Variants in ZCCHC7 observed in about 807,000 individuals in gnomAD.
ZCCHC7 encodes the protein zinc finger CCHC-type containing 7.
In ZCCHC7, 35 loss-of-function variants were observed where a neutral mutation model predicts 52.0. The observed-to-expected ratio is 0.67, with a 90% confidence interval of 0.51 to 0.89. The LOEUF is 0.89. Among genes scored for constraint, ZCCHC7 ranks in the 40% least tolerant of loss-of-function variants. The probability of loss-of-function intolerance (pLI) is 0.00; values close to 1 mark genes in which losing one functional copy is unlikely to be tolerated. For synonymous variants in ZCCHC7, 217 were observed against 221.5 expected, an observed-to-expected ratio of 0.98 and a Z score of 0.18; for missense variants, 574 against 649.1, an observed-to-expected ratio of 0.88 and a Z score of 1.26.
chr9:37,221,868 A>G (rs1203923086), intron 2 of ZCCHC7, among the ~76,000 whole-genome samples: 1 of 152,204 alleles, frequency 6.6e-6, no homozygotes, highest in Non-Finnish European at 1.5e-5. Context: ...TGAAACCAGT[A>G]GTTATTCATT....
At chr9:37,193,596 TG>T (rs1396249812) in intron 2 of ZCCHC7, among the ~76,000 whole-genome samples, 3 of 152,124 alleles carry the variant, frequency 2.0e-5, no homozygotes, top group African/African-American at 7.2e-5. Flanking sequence ...TTCTACAGCC[TG>T]GAGAAAAATC....
intron 2 of ZCCHC7, among the ~76,000 whole-genome samples, chr9:37,212,220 A>G (rs1393086060): frequency 1.3e-5 from 2 of 151,898 alleles, no homozygotes; most frequent in East Asian, 3.9e-4. Flanking sequence ...AGTTGTTGCT[A>G]AACATCCTGC....
At chr9:37,275,601 T>TTATC (rs1451969349) in intron 2 of ZCCHC7, among the ~76,000 whole-genome samples, 1 of 152,186 alleles carries the variant, frequency 6.6e-6, no homozygotes, top group East Asian at 1.9e-4. Context: ...TATGGTATGT[T>TTATC]TATCTTCCAC....
At chr9:37,277,003 C>T (rs1489872516) in intron 2 of ZCCHC7, among the ~76,000 whole-genome samples, 1 of 152,160 alleles carries the variant, frequency 6.6e-6, no homozygotes, top group African/African-American at 2.4e-5. Flanking sequence ...CTCCTAGGAA[C>T]ATTTAGTGCC....
intron 2 of ZCCHC7, among the ~76,000 whole-genome samples, chr9:37,219,440 T>C (rs938897542): frequency 6.6e-6 from 1 of 152,154 alleles, no homozygotes; most frequent in Non-Finnish European, 1.5e-5. Flanking sequence ...TGAGATGGCT[T>C]AACTTCTGCT....
intron 2 of ZCCHC7, among the ~76,000 whole-genome samples, chr9:37,270,972 T>C (rs1313144371): frequency 6.6e-6 from 1 of 152,120 alleles, no homozygotes; most frequent in Non-Finnish European, 1.5e-5. Flanking sequence ...AAAAAAAGAA[T>C]GTTTGGTTAC....
Position 37,209,952 on chromosome 9 carries a change from C to T in ZCCHC7, c.610+83010C>T, listed in dbSNP as rs892673657. The stretch of plus-strand genomic sequence containing the variant: ...ACCAAGGACAGTTTTTTTTTCTCTT[C>T]ATTTGACCCCATGATATAGGATTAG... On this transcript the variant is annotated intron_variant, in intron 2 of 8. Coordinates refer to ENST00000336755, the MANE Select transcript of ZCCHC7 (RefSeq NM_032226.3). Among the ~76,000 whole-genome samples, 3 of 151,956 alleles carry T rather than the reference C, an allele frequency of 2.0e-5. No individual in the cohort carries two copies. In the East Asian group the frequency reaches 5.8e-4, roughly 29 times the overall value.
rs534600167 is a variant in ZCCHC7, at chr9:37,149,129, A to G, written c.610+22187A>G. Among the ~76,000 whole-genome samples the G allele has an allele frequency of 1.3e-5, 2 of 152,178 alleles. 1 individual carries two copies. The highest frequency in any genetic ancestry group is 4.1e-4 in the South Asian group (2 of 4,832). On this transcript the variant is annotated intron_variant, in intron 2 of 8. Transcript: ENST00000336755. Reference sequence around the variant, plus strand: ...GTAATTGATTACTTCTGTGGTCCCAATGTTAATTTCTGCTTATAGTTTTGT... The same window carrying G: ...GTAATTGATTACTTCTGTGGTCCCAGTGTTAATTTCTGCTTATAGTTTTGT...
At chr9:37,247,140 A>G (rs7341843) in intron 2 of ZCCHC7, among the ~76,000 whole-genome samples, 6,013 of 152,160 alleles carry the variant, frequency 0.04, 372 homozygotes, top group African/African-American at 0.13. Context: ...TGTGAGTTCA[A>G]ATTTTTTAGA....
At chr9:37,224,997 C>T (rs1825022118) in intron 2 of ZCCHC7, among the ~76,000 whole-genome samples, 1 of 152,170 alleles carries the variant, frequency 6.6e-6, no homozygotes, top group African/African-American at 2.4e-5. Flanking sequence ...ACATTTAAGC[C>T]AGACCAATCA....
At chr9:37,341,442 A>T (rs1588696304) in intron 6 of ZCCHC7, among the ~76,000 whole-genome samples, 2 of 152,182 alleles carry the variant, frequency 1.3e-5, no homozygotes, top group South Asian at 4.1e-4. Flanking sequence ...CTACTACTAT[A>T]TGCCTGGCCC....
chr9:37,296,710 T>A (rs1828797890), intron 2 of ZCCHC7, among the ~76,000 whole-genome samples: 1 of 152,174 alleles, frequency 6.6e-6, no homozygotes, highest in Admixed American at 6.5e-5. Flanking sequence ...TTACTTTATT[T>A]ATTTATCGCG....
chr9:37,214,547 C>A (rs1177024135), intron 2 of ZCCHC7, among the ~76,000 whole-genome samples: 2 of 152,012 alleles, frequency 1.3e-5, no homozygotes, highest in African/African-American at 2.4e-5. Context: ...TGTTGTTTCT[C>A]ATCACTATAT....
chr9:37,199,872 TTTTTTGTA>T (rs1823534906), intron 2 of ZCCHC7, among the ~76,000 whole-genome samples: 1 of 151,288 alleles, frequency 6.6e-6, no homozygotes, highest in Admixed American at 6.6e-5. Context: ...GCCCGGCTAA[TTTTTTGTA>T]TTTTTAGTAG....
At position 37,354,954 on chromosome 9, in the gene ZCCHC7, T is replaced by G. The variant is rs1422992691; in HGVS notation, c.1198+130T>G. 8.7e-6 allele frequency: 5 copies of G among 576,954 alleles called. No individual in the cohort carries two copies. The highest frequency in any genetic ancestry group is 1.5e-5 in the Non-Finnish European group (5 of 334,686). The allele number at this position is 576,954 out of a possible 1,614,324, so 35.7% of individuals were successfully genotyped here. On this transcript the variant is annotated intron_variant, in intron 8 of 8. Coordinates refer to ENST00000336755, the MANE Select transcript of ZCCHC7 (RefSeq NM_032226.3). The surrounding 1 kb of genome is among the most constrained non-coding windows in gnomAD (Gnocchi z 4.0). ...TATTTTTAGTAATTACCAAAGAGACTGGAACTTTCTTGATCTCCAGAAACC... is the reference window on the plus strand; with the variant it reads ...TATTTTTAGTAATTACCAAAGAGACGGGAACTTTCTTGATCTCCAGAAACC...
intron 6 of ZCCHC7, among the ~76,000 whole-genome samples, chr9:37,338,252 G>C (rs748135252): frequency 6.6e-6 from 1 of 152,054 alleles, no homozygotes; most frequent in Non-Finnish European, 1.5e-5. Context: ...TATAAAACTC[G>C]TGCTTCTTTT....
At chr9:37,210,110 C>T (rs561404526) in intron 2 of ZCCHC7, among the ~76,000 whole-genome samples, 2 of 152,166 alleles carry the variant, frequency 1.3e-5, no homozygotes, top group East Asian at 1.9e-4. Context: ...CCAGTCCTTT[C>T]CTGCCAGCTT....
At chr9:37,315,119 A>T (rs1426259913) in intron 5 of ZCCHC7, among the ~76,000 whole-genome samples, 1 of 124,606 alleles carries the variant, frequency 8.0e-6, no homozygotes, top group African/African-American at 4.3e-5. Context: ...TATTTCAGTT[A>T]AAAAAAAAAA....
chr9:37,240,230 G>A (rs945287051), intron 2 of ZCCHC7, among the ~76,000 whole-genome samples: 5 of 151,846 alleles, frequency 3.3e-5, no homozygotes, highest in Admixed American at 1.3e-4. Flanking sequence ...ATTGGTGTTC[G>A]TTTTTTGTTC....
Sources: allele counts gnomAD v4.1 joint callset (sites outside exome capture counted in the v4.1 genomes callset), GRCh38; gene constraint gnomAD v4.1.1; non-coding constraint Gnocchi (gnomAD v3.1); transcripts MANE v1.5; gene names NCBI Gene and HGNC (gene_info 2026-07-23, HGNC 2026-07-21).